CCDC178: variants seen among roughly 807,000 people sequenced by gnomAD.
CCDC178 encodes the protein coiled-coil domain containing 178.
Under a neutral mutation model 117.4 loss-of-function variants are expected in CCDC178, and 126 were observed. The ratio of observed to expected loss-of-function variants is 1.07; its 90% CI spans 0.93 to 1.24. CCDC178 has a LOEUF of 1.24. Ranked by LOEUF, CCDC178 falls within the 50% of genes most tolerant of loss-of-function variation. The pLI, the probability that CCDC178 is intolerant of heterozygous loss-of-function variation, is 0.00. For missense variants in CCDC178, 1,030 were observed against 986.9 expected (o/e 1.04, Z -0.59); for synonymous variants, 283 against 313.4 (o/e 0.90, Z 1.02).
chr18:32,970,037 A>T (rs1235137115), intron 22 of CCDC178, among the ~76,000 whole-genome samples: 1 of 152,052 alleles, frequency 6.6e-6, no homozygotes, highest in Non-Finnish European at 1.5e-5. Flanking sequence ...TGTGATTACT[A>T]GGGCTGGGAC....
At chr18:33,047,392 T>A (rs1268106096) in intron 21 of CCDC178, among the ~76,000 whole-genome samples, 1 of 152,186 alleles carries the variant, frequency 6.6e-6, no homozygotes, top group Non-Finnish European at 1.5e-5. Flanking sequence ...TTGGCGGGTT[T>A]CATTTTTGTG....
intron 5 of CCDC178, among the ~76,000 whole-genome samples, chr18:33,373,362 C>T (rs2063325265): frequency 6.6e-6 from 1 of 151,792 alleles, no homozygotes; most frequent in Admixed American, 6.6e-5. Flanking sequence ...TCTACAACTT[C>T]AATACAATTT....
intron 22 of CCDC178, among the ~76,000 whole-genome samples, chr18:32,940,658 G>A (rs375790006): frequency 1.8e-4 from 27 of 151,754 alleles, no homozygotes; most frequent in African/African-American, 4.8e-4. Flanking sequence ...TATTTTTCCC[G>A]CTCCTCTCCC....
chr18:33,093,543 C>T (rs2057499287), intron 20 of CCDC178, among the ~76,000 whole-genome samples: 1 of 152,020 alleles, frequency 6.6e-6, no homozygotes, highest in Non-Finnish European at 1.5e-5. Flanking sequence ...TAATGTCCTC[C>T]TCCATGACTA....
chr18:33,008,798 G>T (rs1424085111), intron 21 of CCDC178, among the ~76,000 whole-genome samples: 1 of 151,886 alleles, frequency 6.6e-6, no homozygotes, highest in Admixed American at 6.6e-5. Context: ...TTAGTCTAAT[G>T]ATTGCCAACA....
rs1034419248 is a variant in CCDC178 at position 32,946,993 on chromosome 18, G to T, written c.2524-8902C>A. 3.3e-5 allele frequency among the ~76,000 whole-genome samples: 5 copies of T among 151,998 alleles called. No homozygotes were observed. The South Asian group carries it at 6.2e-4, about 19-fold the overall frequency. On this transcript the variant is annotated intron_variant, in intron 22 of 22. Transcript: ENST00000383096. ...GACGGGGTTTCACCGCGTTAGCCAG[G>T]ACGGTGTCGATCTCCTGACCTCGTG... is the stretch of plus-strand genomic sequence containing the variant.
At chr18:32,955,528 C>G (rs1158402825) in intron 22 of CCDC178, among the ~76,000 whole-genome samples, 1 of 152,070 alleles carries the variant, frequency 6.6e-6, no homozygotes, top group African/African-American at 2.4e-5. Context: ...TTAGCAGGAA[C>G]TGAATCTGGT....
At chr18:33,049,097 G>C (rs557818330) in intron 21 of CCDC178, among the ~76,000 whole-genome samples, 1 of 152,008 alleles carries the variant, frequency 6.6e-6, no homozygotes, top group Non-Finnish European at 1.5e-5. Context: ...ATAAAACTAA[G>C]ACCTAAAAAG....
intron 11 of CCDC178, among the ~76,000 whole-genome samples, chr18:33,314,975 G>A (rs2062396870): frequency 6.6e-6 from 1 of 152,104 alleles, no homozygotes; most frequent in African/African-American, 2.4e-5. Context: ...CTAGGGCACC[G>A]AATCCCCAGA....
At chr18:33,413,211 T>C (rs2063883995) in intron 2 of CCDC178, among the ~76,000 whole-genome samples, 1 of 152,150 alleles carries the variant, frequency 6.6e-6, no homozygotes, top group Non-Finnish European at 1.5e-5. Flanking sequence ...CTGAAATTAG[T>C]AAATTAATGC....
At chr18:33,048,468 A>G (rs2144917911) in intron 21 of CCDC178, among the ~76,000 whole-genome samples, 1 of 152,340 alleles carries the variant, frequency 6.6e-6, no homozygotes, top group East Asian at 1.9e-4. Flanking sequence ...AAATAGAGTC[A>G]TTCTTGAATT....
intron 22 of CCDC178, among the ~76,000 whole-genome samples, chr18:32,941,301 A>G (rs907531388): frequency 2.6e-5 from 4 of 152,070 alleles, no homozygotes; most frequent in African/African-American, 7.2e-5. Flanking sequence ...TTTATTTTTT[A>G]AGTATGATTA....
At position 33,291,134 on chromosome 18, in the gene CCDC178, G is replaced by A. The variant is rs374987272; in HGVS notation, c.1176+2025C>T. Among the ~76,000 whole-genome samples the A allele has an allele frequency of 1.3e-3, 191 of 152,126 alleles. 7 individuals are homozygous for A. In the South Asian group the frequency reaches 0.037, roughly 30 times the overall value. On this transcript the variant is annotated intron_variant, in intron 12 of 22. Coordinates refer to ENST00000383096, the MANE Select transcript of CCDC178 (RefSeq NM_001105528.4). ...ATTAAAAGCAGAATTCAGAAACATT[G>A]AGAATGAAATAACAGAAAATATTTT...
At chr18:33,267,139 T>C in intron 13 of CCDC178, 63 bp downstream of exon 13, 1 of 1,525,082 alleles carries the variant, frequency 6.6e-7, no homozygotes, top group Non-Finnish European at 8.9e-7. Flanking sequence ...TTTAGATATA[T>C]GAGTTAATAT....
At chr18:32,988,505 T>C (rs1227076956) in intron 21 of CCDC178, among the ~76,000 whole-genome samples, 4 of 152,122 alleles carry the variant, frequency 2.6e-5, no homozygotes, top group Non-Finnish European at 4.4e-5. Flanking sequence ...TTCAAACACA[T>C]AGGATGCAAA....
intron 11 of CCDC178, among the ~76,000 whole-genome samples, chr18:33,321,380 A>T (rs1453417409): frequency 6.6e-6 from 1 of 152,224 alleles, no homozygotes; most frequent in Non-Finnish European, 1.5e-5. Context: ...CAAAGAAAGT[A>T]ATCTTAGATG....
At chr18:33,303,070 G>A (rs934699347) in intron 11 of CCDC178, among the ~76,000 whole-genome samples, 2 of 152,084 alleles carry the variant, frequency 1.3e-5, no homozygotes, top group Non-Finnish European at 2.9e-5. Context: ...CAGTTACCCT[G>A]ATCTAATTAC....
intron 20 of CCDC178, among the ~76,000 whole-genome samples, chr18:33,161,208 G>GA (rs1389852081): frequency 2.0e-5 from 3 of 151,926 alleles, no homozygotes; most frequent in African/African-American, 7.3e-5. Flanking sequence ...ATAGACCTTG[G>GA]AAAATCAAAG....
chr18:33,375,192 T>C (rs2063348522), intron 5 of CCDC178, among the ~76,000 whole-genome samples: 2 of 152,212 alleles, frequency 1.3e-5, no homozygotes, highest in East Asian at 1.9e-4. Flanking sequence ...ATCGTTCTCC[T>C]ACTTTAACTT....
Sources: allele counts gnomAD v4.1 joint callset (sites outside exome capture counted in the v4.1 genomes callset), GRCh38; gene constraint gnomAD v4.1.1; transcripts MANE v1.5; gene names NCBI Gene and HGNC (gene_info 2026-07-23, HGNC 2026-07-21).